Variants in USP24 observed in about 807,000 individuals in gnomAD.
The protein encoded by USP24 is ubiquitin specific peptidase 24, also known as ubiquitin carboxyl-terminal hydrolase 24.
USP24 carries 97 observed loss-of-function variants against 361.6 expected under a neutral mutation model. That is an observed-to-expected ratio of 0.27 (90% CI 0.23 to 0.32). USP24 has a LOEUF of 0.32. Among genes scored for constraint, USP24 ranks in the 10% least tolerant of loss-of-function variants. The pLI, the probability that USP24 is intolerant of heterozygous loss-of-function variation, is 1.00. For synonymous variants in USP24, 1,098 were observed against 1,124.6 expected (o/e 0.98, Z 0.47); for missense variants, 2,353 against 3,165.6 (o/e 0.74, Z 6.16).
intron 1 of USP24, among the ~76,000 whole-genome samples, chr1:55,186,143 T>G (rs763301380): frequency 6.6e-6 from 1 of 152,188 alleles, no homozygotes; most frequent in Non-Finnish European, 1.5e-5. Flanking sequence ...CATCAATCCT[T>G]CAGTCTTCCA....
chr1:55,127,437 T>C (rs1020607636), intron 32 of USP24, among the ~76,000 whole-genome samples: 2 of 152,240 alleles, frequency 1.3e-5, no homozygotes, highest in Admixed American at 1.3e-4. Flanking sequence ...ATGGTGTATA[T>C]GTGCCACATT....
Position 55,215,275 on chromosome 1 carries a change from C to A in USP24, c.-162G>T, listed in dbSNP as rs557976473. Among the ~76,000 whole-genome samples, 1 of 151,754 alleles carries A rather than the reference C, an allele frequency of 6.6e-6. No homozygotes were observed. Among genetic ancestry groups the A allele is most frequent in the Non-Finnish European group, 1.5e-5 (1 of 67,898 alleles). Reference sequence around the variant, plus strand: ...GCAGCCGGGCCAGGCTGGGTGCGGGCTTGGGTCCTGCGAGCCGAGCTAGTG... The same window carrying A: ...GCAGCCGGGCCAGGCTGGGTGCGGGATTGGGTCCTGCGAGCCGAGCTAGTG... On this transcript the variant is annotated 5_prime_UTR_variant, in exon 1 of 68. Coordinates refer to ENST00000294383, the MANE Select transcript of USP24 (RefSeq NM_015306.3).
intron 1 of USP24, among the ~76,000 whole-genome samples, chr1:55,194,795 C>G (rs750355256): frequency 6.6e-6 from 1 of 152,084 alleles, no homozygotes; most frequent in African/African-American, 2.4e-5. Flanking sequence ...TTCCTAACCC[C>G]GGAACTGTGT....
chr1:55,116,786 C>T (rs138466514), intron 38 of USP24, among the ~76,000 whole-genome samples: 2 of 152,074 alleles, frequency 1.3e-5, no homozygotes, highest in African/African-American at 4.8e-5. Context: ...AGAATTACCA[C>T]CAAGTCTTCT....
intron 20 of USP24, among the ~76,000 whole-genome samples, chr1:55,145,312 A>G (rs1646999048): frequency 6.6e-6 from 1 of 152,220 alleles, no homozygotes; most frequent in African/African-American, 2.4e-5. Context: ...ACACAGTGGA[A>G]TATTATAAAG....
intron 35 of USP24, 50 bp downstream of exon 35, chr1:55,124,419 T>C (rs902506182): frequency 3.2e-6 from 5 of 1,558,158 alleles, no homozygotes; most frequent in South Asian, 1.2e-5. Context: ...AGAATTCTTA[T>C]GGTTATTTCT....
intron 66 of USP24, 111 bp from the exon 67 acceptor site, chr1:55,072,035 G>GA: frequency 3.1e-6 from 3 of 953,320 alleles, no homozygotes; most frequent in Non-Finnish European, 4.9e-6. Context: ...GGAGGCCTGA[G>GA]AGTGAGGCCT....
At chr1:55,144,105 G>C (rs1646965741) in intron 21 of USP24, 22 bp downstream of exon 21, 1 of 1,569,938 alleles carries the variant, frequency 6.4e-7, no homozygotes, top group African/African-American at 1.4e-5. Context: ...AAACTATCTA[G>C]ATTTGAGAAT....
intron 18 of USP24, 68 bp from the exon 19 acceptor site, chr1:55,147,128 A>G: frequency 7.0e-7 from 1 of 1,428,492 alleles, no homozygotes; most frequent in South Asian, 1.5e-5. Flanking sequence ...ATTAAAACAA[A>G]ACAAAACTTT....
At chr1:55,200,250 C>T (rs1644535405) in intron 1 of USP24, among the ~76,000 whole-genome samples, 2 of 152,224 alleles carry the variant, frequency 1.3e-5, no homozygotes, top group South Asian at 2.1e-4. Context: ...TACTTTTCCA[C>T]AACATTCCCT....
chr1:55,077,398 GC>G, intron 61 of USP24, 98 bp from the exon 62 acceptor site: 1 of 1,101,706 alleles, frequency 9.1e-7, no homozygotes, highest in Non-Finnish European at 1.3e-6. Context: ...TCACCTTCTG[GC>G]CGACCCTGGA....
chr1:55,113,948 A>T (rs1004495751), intron 38 of USP24, among the ~76,000 whole-genome samples: 1 of 152,174 alleles, frequency 6.6e-6, no homozygotes, highest in African/African-American at 2.4e-5. Flanking sequence ...GGGTATTCAG[A>T]TAGGAAGACA....
intron 16 of USP24, among the ~76,000 whole-genome samples, chr1:55,152,829 T>G (rs1263374371): frequency 6.6e-6 from 1 of 152,152 alleles, no homozygotes; most frequent in Non-Finnish European, 1.5e-5. Flanking sequence ...ACAAAGTTCT[T>G]CAATGCCCCC....
chr1:55,189,274 T>C (rs1228430269), intron 1 of USP24, among the ~76,000 whole-genome samples: 2 of 152,202 alleles, frequency 1.3e-5, no homozygotes, highest in Non-Finnish European at 2.9e-5. Flanking sequence ...TTAGAAAGAA[T>C]GAATGAACAA....
Position 55,214,945 on chromosome 1 carries a change from C to A in USP24, c.169G>T (p.Asp57Tyr). Residue 57 changes from aspartate (D) to tyrosine (Y), a missense_variant, in exon 1 of 68, where the codon GAC (aspartate) becomes TAC (tyrosine). Around this residue, in one of 8 missense-constraint regions of USP24, gnomAD observed 253 missense variants for 255.3 expected, o/e 0.99. Transcript: ENST00000294383. The part of the protein sequence containing the change: ...GLDYGGYEPM[D>Y]SGGGPSPGPG... ...CCGGGGCTGGGGCCACCGCCGCTGT[C>A]CATGGGCTCGTAGCCGCCGTAGTCG... 7.1e-7 allele frequency: 1 copy of A among 1,413,902 alleles called. No individual in the cohort carries two copies. Among genetic ancestry groups the A allele is most frequent in the Non-Finnish European group, 9.3e-7 (1 of 1,077,262 alleles). The allele number at this position is 1,413,902 out of a possible 1,614,324, so 87.6% of individuals were successfully genotyped here.
In USP24 at chr1:55,125,422, T is replaced by C. The variant is rs1646398935; in HGVS notation, c.3858A>G (p.Leu1286=). 6.2e-7 allele frequency: 1 copy of C among 1,613,966 alleles called. No homozygotes were observed. The highest frequency in any genetic ancestry group is 8.5e-7 in the Non-Finnish European group (1 of 1,179,872). The part of the protein sequence containing the change: ...VSRQTSRQMS[L]CGTPEKSSYR... Reference sequence around the variant, plus strand: ...AGGATGACTTTTCTGGGGTACCACATAAGGACATCTGTCTGCTTGTCTGCC... The same window carrying C: ...AGGATGACTTTTCTGGGGTACCACACAAGGACATCTGTCTGCTTGTCTGCC... The change falls in exon 34 of 68, where the codon TTA becomes TTG. Residue 1286 remains leucine (L), a synonymous_variant. Coordinates refer to ENST00000294383, the MANE Select transcript of USP24 (RefSeq NM_015306.3).
intron 28 of USP24, among the ~76,000 whole-genome samples, chr1:55,135,478 T>C (rs1646708028): frequency 6.6e-6 from 1 of 152,238 alleles, no homozygotes; most frequent in African/African-American, 2.4e-5. Flanking sequence ...CACAAAATTA[T>C]TTAAGATGTT....
At position 55,103,933 on chromosome 1, in the gene USP24, T is replaced by C. The variant is rs1290520605; in HGVS notation, c.4968A>G (p.Ile1656Met). The C allele has an allele frequency of 2.5e-6, 4 of 1,612,386 alleles. No individual in the cohort carries two copies. Among genetic ancestry groups the C allele is most frequent in the Non-Finnish European group, 3.4e-6 (4 of 1,179,250 alleles). Residue 1656 changes from isoleucine (I) to methionine (M), a missense_variant, in exon 42 of 68, where the codon ATA (isoleucine) becomes ATG (methionine). Around this residue, in one of 8 missense-constraint regions of USP24, gnomAD observed 949 missense variants for 1,280.5 expected, o/e 0.74. Transcript: ENST00000294383. Reference protein sequence around the residue: ...DSSPSNLQIIIKELLSMHHQP... With the variant: ...DSSPSNLQIIMKELLSMHHQP... ...GGTGATGCATAGAAAGCAGTTCTTT[T>C]ATAATAATTTGAAGATTTGAAGGTG...
At chr1:55,166,444 A>T in intron 6 of USP24, 124 bp downstream of exon 6, 1 of 920,734 alleles carries the variant, frequency 1.1e-6, no homozygotes. Context: ...TATGAAATCC[A>T]CTCCTTAAAG....
Sources: allele counts gnomAD v4.1 joint callset (sites outside exome capture counted in the v4.1 genomes callset), GRCh38; gene constraint gnomAD v4.1.1; regional missense constraint gnomAD v4.1.1; transcripts MANE v1.5; gene names NCBI Gene and HGNC (gene_info 2026-07-23, HGNC 2026-07-21).